Variants in ZNF564 observed in about 807,000 individuals in gnomAD.
The protein encoded by ZNF564 is zinc finger protein 564.
Under a neutral mutation model 10.5 loss-of-function variants are expected in ZNF564, and 5 were observed. The ratio of observed to expected loss-of-function variants is 0.48; its 90% CI spans 0.25 to 1.00. The LOEUF is 1.00. Among genes scored for constraint, ZNF564 ranks in the 50% least tolerant of loss-of-function variants. ZNF564 has a pLI of 0.16. For synonymous variants in ZNF564, 242 were observed against 218.1 expected, an observed-to-expected ratio of 1.11 and a Z score of -0.97; for missense variants, 603 against 669.7, an observed-to-expected ratio of 0.90 and a Z score of 1.10.
At position 12,527,799 on chromosome 19, in the gene ZNF564, A is replaced by C. The variant is rs1434244413; in HGVS notation, c.309T>G (p.Cys103Trp). 6.2e-7 allele frequency: 1 copy of C among 1,614,020 alleles called. No homozygotes were observed. The highest frequency in any genetic ancestry group is 1.3e-5 in the African/African-American group (1 of 74,936). ...NKKIPTIVRP[C>W]ECSLCGKVFM... ...AGACTTTCCCACACAAACTACATTC[A>C]CATGGTCTTACTATAGTAGGAATTT... The change falls in exon 4 of 4, where the codon TGT becomes TGG. Residue 103 changes from cysteine to tryptophan, a missense_variant. Transcript: ENST00000339282.
Position 12,527,455 on chromosome 19 carries a change from GTTCT to G in ZNF564, c.649_652del (p.Arg217LeufsTer27), listed in dbSNP as rs751704478. 2 of 1,614,062 alleles carry G rather than the reference GTTCT, an allele frequency of 1.2e-6. No homozygotes were observed. Among genetic ancestry groups the G allele is most frequent in the Middle Eastern group, 1.6e-4 (1 of 6,062 alleles). On this transcript the variant is annotated frameshift_variant, in exon 4 of 4. Coordinates refer to ENST00000339282, the MANE Select transcript of ZNF564 (RefSeq NM_144976.4). LOFTEE classifies it low-confidence loss of function (END_TRUNC). The stretch of plus-strand genomic sequence containing the variant: ...TTCATAGGGTTTCTCTCCAGTGTGA[GTTCT>G]TTCATGTATCTGAAATAAACTTGGG...
At chr19:12,528,264 TAAG>T (rs756310198) in intron 3 of ZNF564, 37 bp downstream of exon 3, 138 of 1,554,040 alleles carry the variant, frequency 8.9e-5, no homozygotes, top group Non-Finnish European at 1.2e-4. Flanking sequence ...CATGACATAC[TAAG>T]AAGGAGACAT....
rs566749811 is a variant in ZNF564 at position 12,548,433 on chromosome 19, T to C, written c.3+2897A>G. On this transcript the variant is annotated intron_variant, in intron 1 of 3. Coordinates refer to ENST00000339282, the MANE Select transcript of ZNF564 (RefSeq NM_144976.4). ...GGTTTCACTGTGTTAGCCAGGATGG[T>C]TTCCATCTCCTGACCTTGTGATCCG... Among the ~76,000 whole-genome samples the C allele has an allele frequency of 1.5e-3, 226 of 152,036 alleles. 2 individuals carry two copies. Among genetic ancestry groups the C allele is most frequent in the Middle Eastern group, 0.01 (3 of 292 alleles).
At chr19:12,529,243 C>A (rs1351253769) in intron 1 of ZNF564, among the ~76,000 whole-genome samples, 1 of 152,204 alleles carries the variant, frequency 6.6e-6, no homozygotes, top group African/African-American at 2.4e-5. Flanking sequence ...GTAGTCACTA[C>A]AAGTTTTATT....
Position 12,534,531 on chromosome 19 carries a change from C to T in ZNF564, c.4-5835G>A, listed in dbSNP as rs111864668. ...AGTTTCTTATAAAACTAAACATACT[C>T]GGCCAGGCACAGTGGCTCATGCCTG... is the stretch of plus-strand genomic sequence containing the variant. On this transcript the variant is annotated intron_variant, in intron 1 of 3. Coordinates refer to ENST00000339282, the MANE Select transcript of ZNF564 (RefSeq NM_144976.4). Among the ~76,000 whole-genome samples the T allele has an allele frequency of 5.8e-3, 884 of 152,212 alleles. 15 individuals are homozygous for T. The highest frequency in any genetic ancestry group is 0.02 in the African/African-American group (846 of 41,540).
At chr19:12,545,262 C>CAAAAAAAA (rs534783270) in intron 1 of ZNF564, among the ~76,000 whole-genome samples, 2 of 57,422 alleles carry the variant, frequency 3.5e-5, no homozygotes, top group African/African-American at 1.0e-4. Flanking sequence ...AATTCCGTCT[C>CAAAAAAAA]AAAAAAAAAA....
At chr19:12,544,884 C>T (rs1484564510) in intron 1 of ZNF564, among the ~76,000 whole-genome samples, 4 of 152,156 alleles carry the variant, frequency 2.6e-5, no homozygotes, top group Admixed American at 2.6e-4. Context: ...CTGTTTCACC[C>T]ACAGTCACAA....
chr19:12,535,035 G>T (rs2021882145), intron 1 of ZNF564, among the ~76,000 whole-genome samples: 1 of 152,018 alleles, frequency 6.6e-6, no homozygotes, highest in African/African-American at 2.4e-5. Flanking sequence ...TCATATGGAT[G>T]AAAAGAAGAT....
At position 12,526,284 on chromosome 19, in the gene ZNF564, T is replaced by C. The variant is rs770099080; in HGVS notation, c.*162A>G. 2 of 728,016 alleles carry C rather than the reference T, an allele frequency of 2.7e-6. No individual in the cohort carries two copies. The highest frequency in any genetic ancestry group is 4.2e-6 in the Non-Finnish European group (2 of 471,684). The allele number at this position is 728,016 out of a possible 1,614,324, so 45.1% of individuals were successfully genotyped here. A position where few individuals can be genotyped will look rare whatever the true frequency, so the allele number is the denominator to read the frequency against. On this transcript the variant is annotated 3_prime_UTR_variant, in exon 4 of 4. Coordinates refer to ENST00000339282, the MANE Select transcript of ZNF564 (RefSeq NM_144976.4). ...GAACCGGTGAAAACCAAACTAGTCA[T>C]GTATTTCCAAAATATGAGACAGGCA... is the stretch of plus-strand genomic sequence containing the variant.
intron 1 of ZNF564, among the ~76,000 whole-genome samples, chr19:12,542,946 G>A (rs997800352): frequency 6.6e-6 from 1 of 151,938 alleles, no homozygotes; most frequent in Non-Finnish European, 1.5e-5. Flanking sequence ...AGTTTGCAGT[G>A]AGCCAAGATC....
chr19:12,528,753 G>A (rs1273428603), intron 1 of ZNF564, 57 bp from the exon 2 acceptor site: 24 of 1,547,674 alleles, frequency 1.6e-5, no homozygotes, highest in Non-Finnish European at 1.9e-5. Context: ...GTACAGGGAT[G>A]TAAACCCAAT....
At chr19:12,551,206 CA>C in intron 1 of ZNF564, 123 bp downstream of exon 1, 2 of 1,154,572 alleles carry the variant, frequency 1.7e-6, no homozygotes, top group Non-Finnish European at 2.5e-6. Flanking sequence ...CGAGCTGCGC[CA>C]GGGAACTCGG....
intron 1 of ZNF564, among the ~76,000 whole-genome samples, chr19:12,542,841 TA>T (rs1284997510): frequency 1.4e-5 from 2 of 147,646 alleles, no homozygotes; most frequent in Admixed American, 1.4e-4. Flanking sequence ...CTGTCACTAC[TA>T]AAAATACAAA....
chr19:12,544,719 A>G (rs974874302), intron 1 of ZNF564, among the ~76,000 whole-genome samples: 1 of 152,198 alleles, frequency 6.6e-6, no homozygotes, highest in Non-Finnish European at 1.5e-5. Context: ...CTCACCAACT[A>G]GAACTCCCAC....
intron 1 of ZNF564, among the ~76,000 whole-genome samples, chr19:12,536,264 C>T (rs779601193): frequency 1.3e-5 from 2 of 152,122 alleles, no homozygotes; most frequent in African/African-American, 2.4e-5. Flanking sequence ...GCAGCCTCAA[C>T]CTCCAAGGCT....
chr19:12,545,566 C>T (rs931293876), intron 1 of ZNF564, among the ~76,000 whole-genome samples: 1 of 152,148 alleles, frequency 6.6e-6, no homozygotes. Context: ...AGTCACAAGC[C>T]GCAGGGCCAC....
rs781276389 is a variant in ZNF564 at position 12,527,382 on chromosome 19, T to C, written c.726A>G (p.Arg242=). 5 of 1,614,148 alleles carry C rather than the reference T, an allele frequency of 3.1e-6. No individual in the cohort carries two copies. Among genetic ancestry groups the C allele is most frequent in the Admixed American group, 3.3e-5 (2 of 60,014 alleles). Residue 242 remains arginine (R), a synonymous_variant, in exon 4 of 4, where the codon AGA becomes AGG. Coordinates refer to ENST00000339282, the MANE Select transcript of ZNF564 (RefSeq NM_144976.4). ...KAFISLPSFQ[R]HMIRHTGDGP... is the part of the protein sequence containing the mutation. ...CATCTCCAGTGTGCCTAATCATGTGTCTTTGAAAACTTGGAAGAGAAATGA... is the reference window on the plus strand; with the variant it reads ...CATCTCCAGTGTGCCTAATCATGTGCCTTTGAAAACTTGGAAGAGAAATGA...
At chr19:12,531,275 G>A (rs1568262528) in intron 1 of ZNF564, among the ~76,000 whole-genome samples, 1 of 152,070 alleles carries the variant, frequency 6.6e-6, no homozygotes, top group Admixed American at 6.6e-5. Context: ...AGGTATGGTG[G>A]CTCATGTCTG....
At chr19:12,531,667 C>A (rs552758237) in intron 1 of ZNF564, among the ~76,000 whole-genome samples, 10 of 151,948 alleles carry the variant, frequency 6.6e-5, no homozygotes, top group Non-Finnish European at 1.2e-4. Context: ...AGGCCAGGAA[C>A]AAAGGCTCAC....
Sources: gnomAD v4.1 joint callset for allele counts (sites outside exome capture counted in the v4.1 genomes callset) on GRCh38, gnomAD v4.1.1 for gene constraint, MANE v1.5 for transcripts, NCBI Gene and HGNC (gene_info 2026-07-23, HGNC 2026-07-21) for gene names.